Variants in ASIC2 observed in about 807,000 individuals in gnomAD.
ASIC2 encodes acid sensing ion channel subunit 2.
A neutral mutation model predicts 57.3 loss-of-function variants in ASIC2; 25 were observed. That is an observed-to-expected ratio of 0.44 (90% CI 0.32 to 0.61). The LOEUF is 0.61. Ranked by LOEUF, ASIC2 falls within the 20% of genes least tolerant of loss-of-function variation. ASIC2 has a pLI of 0.06. For synonymous variants in ASIC2, 319 were observed against 307.5 expected (o/e 1.04, Z -0.39); for missense variants, 641 against 738.1 (o/e 0.87, Z 1.52).
intron 1 of ASIC2, among the ~76,000 whole-genome samples, chr17:33,603,873 C>T (rs780723258): frequency 1.3e-5 from 2 of 152,106 alleles, no homozygotes; most frequent in Non-Finnish European, 2.9e-5. Context: ...AACAAGTCTG[C>T]CAAAATCAGG....
At chr17:34,043,347 C>A (rs1908212421) in intron 1 of ASIC2, among the ~76,000 whole-genome samples, 1 of 152,056 alleles carries the variant, frequency 6.6e-6, no homozygotes, top group African/African-American at 2.4e-5. Flanking sequence ...TGATAAAAGG[C>A]AGCATTGATT....
At chr17:33,597,806 A>T (rs114109178) in intron 1 of ASIC2, among the ~76,000 whole-genome samples, 124 of 152,234 alleles carry the variant, frequency 8.1e-4, no homozygotes, top group African/African-American at 2.9e-3. Context: ...ATAGTTTTAG[A>T]ACTCTGTCTC....
At chr17:33,512,625 C>T (rs1454362805) in intron 1 of ASIC2, among the ~76,000 whole-genome samples, 2 of 152,080 alleles carry the variant, frequency 1.3e-5, no homozygotes, top group Non-Finnish European at 2.9e-5. Context: ...ACCCTAGTAC[C>T]ATCACGTCTA....
At chr17:33,830,199 G>T (rs927221359) in intron 1 of ASIC2, among the ~76,000 whole-genome samples, 1 of 152,006 alleles carries the variant, frequency 6.6e-6, no homozygotes, top group African/African-American at 2.4e-5. Flanking sequence ...CAGCACAATG[G>T]TTTGTCCAGA....
At chr17:33,645,112 G>C (rs10512450) in intron 1 of ASIC2, among the ~76,000 whole-genome samples, 7,075 of 152,246 alleles carry the variant, frequency 0.046, 194 homozygotes, top group South Asian at 0.12. Flanking sequence ...CTCAGTAATA[G>C]AGACAAAGTA....
At chr17:33,490,292 A>G (rs980968663) in intron 1 of ASIC2, among the ~76,000 whole-genome samples, 1 of 152,230 alleles carries the variant, frequency 6.6e-6, no homozygotes, top group Non-Finnish European at 1.5e-5. Flanking sequence ...AATGTTGAAT[A>G]GTCTTTCTGG....
At chr17:33,885,258 A>G (rs1914801749) in intron 1 of ASIC2, among the ~76,000 whole-genome samples, 1 of 152,172 alleles carries the variant, frequency 6.6e-6, no homozygotes, top group South Asian at 2.1e-4. Context: ...ACTCTGCTAC[A>G]CTCAAAGTCT....
At position 33,467,192 on chromosome 17, in the gene ASIC2, C is replaced by G. The variant is rs988581796; in HGVS notation, c.556-355125G>C. Among the ~76,000 whole-genome samples the G allele has an allele frequency of 3.9e-5, 6 of 152,204 alleles. No individual in the cohort carries two copies. In the East Asian group the frequency reaches 7.7e-4, roughly 20 times the overall value. ...CTGAGCTCAAGCGATTTGCCTGCCT[C>G]TGCCTCCCAAAGTGTTGGGATTACA... On this transcript the variant is annotated intron_variant, in intron 1 of 9. Transcript: ENST00000359872.
chr17:33,875,569 A>G (rs996237576), intron 1 of ASIC2, among the ~76,000 whole-genome samples: 2 of 152,112 alleles, frequency 1.3e-5, no homozygotes, highest in African/African-American at 4.8e-5. Context: ...TCAGTCCCCA[A>G]AGCCCCATTT....
intron 1 of ASIC2, among the ~76,000 whole-genome samples, chr17:33,706,518 C>T (rs1908869419): frequency 6.6e-6 from 1 of 152,078 alleles, no homozygotes; most frequent in African/African-American, 2.4e-5. Context: ...GCCACCGTGC[C>T]CAGCCTGTAG....
In ASIC2 at chr17:34,072,748, C is replaced by T. The variant is rs183694155; in HGVS notation, c.555+83230G>A. On this transcript the variant is annotated intron_variant, in intron 1 of 9. Transcript: ENST00000359872. ...GCTTCATGTGATGGACGATTTCTCT[C>T]AGGCATTTTTATATTCCTGAGAAAC... Among the ~76,000 whole-genome samples the T allele has an allele frequency of 1.4e-3, 216 of 152,308 alleles. 1 individual carries two copies. The highest frequency in any genetic ancestry group is 4.5e-3 in the African/African-American group (188 of 41,568).
intron 1 of ASIC2, among the ~76,000 whole-genome samples, chr17:33,275,961 G>A (rs943254621): frequency 2.0e-5 from 3 of 152,122 alleles, no homozygotes; most frequent in Non-Finnish European, 4.4e-5. Flanking sequence ...TAGGCAGCAC[G>A]GAACCACATG....
In ASIC2 at chr17:33,449,776, C is replaced by CT. The variant is rs149554596; in HGVS notation, c.556-337710dup. Among the ~76,000 whole-genome samples, 170 of 146,796 alleles carry CT rather than the reference C, an allele frequency of 1.2e-3. 1 individual carries two copies. Among genetic ancestry groups the CT allele is most frequent in the Non-Finnish European group, 1.5e-3 (98 of 66,452 alleles). On this transcript the variant is annotated intron_variant, in intron 1 of 9. Transcript: ENST00000359872. ...ACAGAATAATTTTCTTTTTTCTTTT[C>CT]TTTTTTTTTTTTAATTGAGACAGAG...
intron 1 of ASIC2, among the ~76,000 whole-genome samples, chr17:33,583,705 G>T (rs1904518690): frequency 6.6e-6 from 1 of 152,158 alleles, no homozygotes; most frequent in South Asian, 2.1e-4. Context: ...GTCAGAACAT[G>T]CCCAGATTAT....
At chr17:33,033,945 G>C (rs1419318451) in intron 3 of ASIC2, among the ~76,000 whole-genome samples, 2 of 152,198 alleles carry the variant, frequency 1.3e-5, no homozygotes, top group African/African-American at 2.4e-5. Context: ...AGGACGACCA[G>C]CTGCAGAGAG....
At chr17:33,213,115 A>C (rs1263739044) in intron 1 of ASIC2, among the ~76,000 whole-genome samples, 3 of 152,236 alleles carry the variant, frequency 2.0e-5, no homozygotes, top group Non-Finnish European at 2.9e-5. Context: ...AGCTTTTATG[A>C]AAGCAGGTCT....
chr17:33,973,017 G>A (rs1430935390), intron 1 of ASIC2, among the ~76,000 whole-genome samples: 1 of 152,228 alleles, frequency 6.6e-6, no homozygotes, highest in Non-Finnish European at 1.5e-5. Flanking sequence ...TTATGCCTAG[G>A]GCCAGCCCTG....
intron 1 of ASIC2, among the ~76,000 whole-genome samples, chr17:33,523,774 C>T (rs546282404): frequency 1.3e-5 from 2 of 152,270 alleles, no homozygotes; most frequent in African/African-American, 4.8e-5. Flanking sequence ...CTCACTCTAC[C>T]AACTAGTCAT....
intron 1 of ASIC2, among the ~76,000 whole-genome samples, chr17:33,842,678 C>T (rs1430415089): frequency 6.6e-6 from 1 of 152,196 alleles, no homozygotes; most frequent in African/African-American, 2.4e-5. Flanking sequence ...GTCATACAAA[C>T]AGTGACTTCA....
Sources: allele counts gnomAD v4.1 joint callset (sites outside exome capture counted in the v4.1 genomes callset), GRCh38; gene constraint gnomAD v4.1.1; transcripts MANE v1.5; gene names NCBI Gene and HGNC (gene_info 2026-07-23, HGNC 2026-07-21).